Variants in SPG11 observed in about 807,000 individuals in gnomAD.
SPG11 encodes spatacsin.
SPG11 carries 222 observed loss-of-function variants against 274.0 expected under a neutral mutation model. The observed-to-expected ratio is 0.81, with a 90% confidence interval of 0.73 to 0.91. The LOEUF is 0.91. Among genes scored for constraint, SPG11 ranks in the 40% least tolerant of loss-of-function variants. The pLI, the probability that SPG11 is intolerant of heterozygous loss-of-function variation, is 0.00. For synonymous variants in SPG11, 1,144 were observed against 1,039.7 expected (o/e 1.10, Z -1.93); for missense variants, 3,114 against 2,872.7 (o/e 1.08, Z -1.92).
chr15:44,589,873 T>G (rs1234385420), intron 27 of SPG11, among the ~76,000 whole-genome samples: 1 of 152,244 alleles, frequency 6.6e-6, no homozygotes, highest in African/African-American at 2.4e-5. Context: ...TGGTGCAATC[T>G]TGGCTCACTG....
rs771131976 is a variant in SPG11 at position 44,584,576 on chromosome 15, G to A, written c.5122-18C>T. The A allele has an allele frequency of 7.5e-6, 12 of 1,604,190 alleles. No homozygotes were observed. The East Asian group carries it at 2.7e-4, about 36-fold the overall frequency. ...TGTGTTATCTGTGAAATTTAACAAAGCAGATTTTAGCCTTTCTTGGATAAA... is the reference window on the plus strand; with the variant it reads ...TGTGTTATCTGTGAAATTTAACAAAACAGATTTTAGCCTTTCTTGGATAAA... On this transcript the variant is annotated intron_variant, in intron 29 of 39. Coordinates refer to ENST00000261866, the MANE Select transcript of SPG11 (RefSeq NM_025137.4).
chr15:44,567,972 A>AAT (rs2082343806), intron 35 of SPG11, among the ~76,000 whole-genome samples: 1 of 152,242 alleles, frequency 6.6e-6, no homozygotes, highest in African/African-American at 2.4e-5. Flanking sequence ...AGGGGAAGAG[A>AAT]ATACCATGTA....
intron 15 of SPG11, among the ~76,000 whole-genome samples, chr15:44,618,378 C>T (rs973588426): frequency 4.0e-5 from 6 of 150,518 alleles, no homozygotes; most frequent in South Asian, 4.2e-4. Flanking sequence ...ATTAGCCAGG[C>T]GTGGTGGCGG....
At chr15:44,570,383 C>T (rs2082396878) in intron 34 of SPG11, 142 bp downstream of exon 34, 1 of 1,054,218 alleles carries the variant, frequency 9.5e-7, no homozygotes, top group Non-Finnish European at 1.4e-6. Flanking sequence ...GGTTGGGCTG[C>T]CCAGCCAACT....
chr15:44,575,863 A>G (rs2082524326), intron 30 of SPG11, among the ~76,000 whole-genome samples: 1 of 152,018 alleles, frequency 6.6e-6, no homozygotes. Flanking sequence ...AAGCTCTTGG[A>G]CGGGTGCGGT....
intron 3 of SPG11, among the ~76,000 whole-genome samples, chr15:44,657,671 T>C (rs2084980538): frequency 6.6e-6 from 1 of 152,244 alleles, no homozygotes; most frequent in African/African-American, 2.4e-5. Context: ...TTTATGTTTT[T>C]TCTTCTATAA....
chr15:44,589,564 AG>A, intron 27 of SPG11, 150 bp from the exon 28 acceptor site: 1 of 899,770 alleles, frequency 1.1e-6, no homozygotes. Flanking sequence ...TCCAAATGGC[AG>A]GAACTGGTAA....
At chr15:44,565,542 T>C (rs575508774) in intron 38 of SPG11, among the ~76,000 whole-genome samples, 2 of 152,254 alleles carry the variant, frequency 1.3e-5, no homozygotes, top group East Asian at 3.9e-4. Context: ...TGCGGCCTGG[T>C]TCCTAGCAGG....
chr15:44,611,524 TTAAAA>T (rs2083459634), intron 17 of SPG11, among the ~76,000 whole-genome samples: 1 of 152,158 alleles, frequency 6.6e-6, no homozygotes. Flanking sequence ...AGACTAGGAC[TTAAAA>T]TAAAATTGTA....
chr15:44,635,806 A>G (rs957395238), intron 7 of SPG11, among the ~76,000 whole-genome samples: 1 of 151,654 alleles, frequency 6.6e-6, no homozygotes, highest in Non-Finnish European at 1.5e-5. Context: ...AGTCCCAGCT[A>G]TTTGGGAGGC....
rs2082219104 is a variant in SPG11, at chr15:44,562,786, A to ATTTC, written c.*331_*334dup. 4.2e-6 allele frequency: 1 copy of ATTTC among 240,956 alleles called. No homozygotes were observed. The highest frequency in any genetic ancestry group is 2.3e-5 in the African/African-American group (1 of 43,948). The allele number at this position is 240,956 out of a possible 1,614,324, so 14.9% of individuals were successfully genotyped here. ...CCTTAACTGTGTAAATAATAATTAA[A>ATTTC]TTTCTTTGAAACTGGAATCTGCAGG... On this transcript the variant is annotated 3_prime_UTR_variant, in exon 40 of 40. Transcript: ENST00000261866.
Position 44,569,472 on chromosome 15 carries a change from C to G in SPG11, c.6511G>C (p.Glu2171Gln), listed in dbSNP as rs1051526194. Residue 2171 changes from glutamate to glutamine, a missense_variant, in exon 35 of 40, where the codon GAG becomes CAG. Transcript: ENST00000261866. ...RLLTGIGRYN[E>Q]MTYIFDLLHK... ...AGCAAATCAAATATGTATGTCATCT[C>G]GTTGTACCTTCCAATGCCAGTGAGG... 1 of 1,601,786 alleles carries G rather than the reference C, an allele frequency of 6.2e-7. No individual in the cohort carries two copies. The highest frequency in any genetic ancestry group is 8.5e-7 in the Non-Finnish European group (1 of 1,173,464).
At position 44,660,598 on chromosome 15, in the gene SPG11, A is replaced by C. The variant is rs1409981929; in HGVS notation, c.276T>G (p.Ser92=). ...GPFWHFLWED[S]RNSSTPTEKP... ...TTTCAGTTGGTGTGCTGCTGTTACGAGAATCCTCCCATAGAAAGCTAAGAA... is the reference window on the plus strand; with the variant it reads ...TTTCAGTTGGTGTGCTGCTGTTACGCGAATCCTCCCATAGAAAGCTAAGAA... Residue 92 remains serine, a synonymous_variant, in exon 2 of 40, where the codon TCT becomes TCG. Coordinates refer to ENST00000261866, the MANE Select transcript of SPG11 (RefSeq NM_025137.4). 6.2e-7 allele frequency: 1 copy of C among 1,614,052 alleles called. No individual in the cohort carries two copies. The highest frequency in any genetic ancestry group is 1.1e-5 in the South Asian group (1 of 91,078).
intron 11 of SPG11, among the ~76,000 whole-genome samples, chr15:44,624,762 A>G (rs1050252449): frequency 2.0e-5 from 3 of 152,218 alleles, no homozygotes; most frequent in African/African-American, 7.2e-5. Context: ...ATACATATCA[A>G]AACATCATAT....
chr15:44,650,816 C>T (rs56290053), intron 6 of SPG11, among the ~76,000 whole-genome samples: 2 of 151,948 alleles, frequency 1.3e-5, no homozygotes, highest in East Asian at 1.9e-4. Context: ...GGTGCAATCT[C>T]GGCTCACTGC....
chr15:44,638,794 A>G (rs1399683295), intron 7 of SPG11, among the ~76,000 whole-genome samples: 1 of 152,138 alleles, frequency 6.6e-6, no homozygotes, highest in African/African-American at 2.4e-5. Flanking sequence ...TTTGGAGTTC[A>G]AGACCAGGCT....
chr15:44,598,908 T>A lies in SPG11; in HGVS notation c.3687-72A>T. ...TCTCACCAGGAAAAGCAAATGGAAT[T>A]AAATCAGTGACAGAGGGAGTGCCAG... On this transcript the variant is annotated intron_variant, in intron 21 of 39. Transcript: ENST00000261866. 4 of 1,449,622 alleles carry A rather than the reference T, an allele frequency of 2.8e-6. No homozygotes were observed. The South Asian group carries it at 3.5e-5, about 13-fold the overall frequency. The allele number at this position is 1,449,622 out of a possible 1,614,324, so 89.8% of individuals were successfully genotyped here. A position where few individuals can be genotyped will look rare whatever the true frequency, so the allele number is the denominator to read the frequency against.
intron 15 of SPG11, among the ~76,000 whole-genome samples, chr15:44,619,521 A>G (rs2083680641): frequency 6.6e-6 from 1 of 152,200 alleles, no homozygotes; most frequent in African/African-American, 2.4e-5. Context: ...GTTCAAGAAC[A>G]TGCACAACAC....
chr15:44,635,456 AG>A (rs1254322401), intron 7 of SPG11, among the ~76,000 whole-genome samples: 1 of 151,874 alleles, frequency 6.6e-6, no homozygotes, highest in African/African-American at 2.4e-5. Flanking sequence ...AAAATTAAAA[AG>A]TAGCTGGGTG....
Sources: gnomAD v4.1 joint callset for allele counts (sites outside exome capture counted in the v4.1 genomes callset) on GRCh38, gnomAD v4.1.1 for gene constraint, MANE v1.5 for transcripts, NCBI Gene and HGNC (gene_info 2026-07-23, HGNC 2026-07-21) for gene names.